Variants in WDR73 observed in about 807,000 individuals in gnomAD.
The protein encoded by WDR73 is WD repeat domain 73.
A neutral mutation model predicts 38.2 loss-of-function variants in WDR73; 30 were observed. The observed-to-expected ratio is 0.79, with a 90% confidence interval of 0.59 to 1.06. The LOEUF (loss-of-function observed/expected upper bound fraction) is 1.06. WDR73 is among the 50% of genes least tolerant of loss of function. The pLI is 0.00. For missense variants in WDR73, 487 were observed against 467.0 expected (o/e 1.04, Z -0.40); for synonymous variants, 197 against 176.0 (o/e 1.12, Z -0.94).
intron 7 of WDR73, 155 bp downstream of exon 7, chr15:84,645,316 G>A (rs1896411283): frequency 6.6e-7 from 1 of 1,515,816 alleles, no homozygotes. Context: ...GAAAAGGCCT[G>A]CCACTGAAGA....
At position 84,643,392 on chromosome 15, in the gene WDR73, C is replaced by T; in HGVS notation, c.*78G>A. ...AGCTGGTAACAGGGACTGGTAGTCA[C>T]TTGAGTCCTACATGAGCACCCTTGC... On this transcript the variant is annotated 3_prime_UTR_variant, in exon 8 of 8. Coordinates refer to ENST00000434634, the MANE Select transcript of WDR73 (RefSeq NM_032856.5). The T allele has an allele frequency of 6.7e-7, 1 of 1,502,046 alleles. No homozygotes were observed. The highest frequency in any genetic ancestry group is 8.9e-7 in the Non-Finnish European group (1 of 1,119,258). 93.0% of individuals were successfully genotyped at this position (1,502,046 alleles called of 1,614,324 possible). A position where few individuals can be genotyped will look rare whatever the true frequency, so the allele number is the denominator to read the frequency against.
chr15:84,652,390 C>G (rs1390993750), intron 3 of WDR73, among the ~76,000 whole-genome samples: 1 of 152,150 alleles, frequency 6.6e-6, no homozygotes, highest in Non-Finnish European at 1.5e-5. Context: ...ATATTCTCCT[C>G]ACTCCTTATA....
Position 84,654,251 on chromosome 15 carries a change from C to G in WDR73, c.24G>C (p.Leu8=), listed in dbSNP as rs780699604. The G allele has an allele frequency of 2.5e-6, 4 of 1,613,962 alleles. No individual in the cohort carries two copies. Among genetic ancestry groups the G allele is most frequent in the Non-Finnish European group, 3.4e-6 (4 of 1,179,830 alleles). Residue 8 remains leucine (L), a synonymous_variant, in exon 1 of 8, where the codon CTG becomes CTC. Transcript: ENST00000434634. ...CGATTTACAAGCGCAAGGATTCCAC[C>G]AGCCAGTCGTCCCCAGGATCCATGG... is the stretch of plus-strand genomic sequence containing the variant. MDPGDDW[L]VESLRLYQDF...
rs751477871 is a variant in WDR73 at position 84,643,552 on chromosome 15, C to T, written c.1055G>A (p.Cys352Tyr). The T allele has an allele frequency of 1.9e-6, 3 of 1,609,472 alleles. No homozygotes were observed. Among genetic ancestry groups the T allele is most frequent in the Non-Finnish European group, 1.7e-6 (2 of 1,177,954 alleles). The change falls in exon 8 of 8, where the codon TGC becomes TAC. Residue 352 changes from cysteine (C) to tyrosine (Y), a missense_variant. Cys to Tyr is a radical substitution (Grantham distance 194, BLOSUM62 -2). Transcript: ENST00000434634. ...TGCTGATAACAAAGTCCTTGGTCTG[C>T]AGGGATGCCAGGTGTGGGTGGTGAC... ...PLVTTHTWHP[C>Y]RPRTLLSATN...
rs1278773216 is a variant in WDR73 at position 84,643,113 on chromosome 15, A to AT, written c.*356dup. The AT allele has an allele frequency of 2.0e-5, 4 of 200,184 alleles. No individual in the cohort carries two copies. The highest frequency in any genetic ancestry group is 4.1e-5 in the Non-Finnish European group (4 of 98,566). The allele number at this position is 200,184 out of a possible 1,614,324, so 12.4% of individuals were successfully genotyped here. On this transcript the variant is annotated 3_prime_UTR_variant, in exon 8 of 8. Coordinates refer to ENST00000434634, the MANE Select transcript of WDR73 (RefSeq NM_032856.5). ...TTTTCATGTTTATTGGCCCCTCTAC[A>AT]TTTTTTTCTTTAAAAAAATTCACAA...
At chr15:84,646,375 C>A (rs759208966) in intron 5 of WDR73, 27 bp from the exon 6 acceptor site, 1 of 1,591,716 alleles carries the variant, frequency 6.3e-7, no homozygotes, top group South Asian at 1.1e-5. Context: ...AGGCCAAAAT[C>A]CAGAACTTTA....
rs1367848130 is a variant in WDR73 at position 84,646,232 on chromosome 15, T to G, written c.469A>C (p.Ser157Arg). ...PGVLHGARLR[S>R]LQVVDLESRK... ...GACTCCAGATCAACGACCTGCAGAC[T>G]TCGGAGCCTCGCCCCATGGAGGACT... is the stretch of plus-strand genomic sequence containing the variant. The change falls in exon 6 of 8, where the codon AGT becomes CGT. Residue 157 changes from serine to arginine, a missense_variant. Transcript: ENST00000434634. 6.2e-7 allele frequency: 1 copy of G among 1,613,750 alleles called. No individual in the cohort carries two copies. The highest frequency in any genetic ancestry group is 8.5e-7 in the Non-Finnish European group (1 of 1,179,888).
intron 1 of WDR73, 26 bp from the exon 2 acceptor site, chr15:84,653,725 A>G (rs1431607244): frequency 1.3e-6 from 2 of 1,552,892 alleles, no homozygotes; most frequent in Admixed American, 1.9e-5. Context: ...ACAGAATCAC[A>G]CGATGCACAG....
intron 3 of WDR73, among the ~76,000 whole-genome samples, chr15:84,649,568 T>A (rs1191224413): frequency 6.6e-6 from 1 of 151,944 alleles, no homozygotes. Flanking sequence ...CTCCCCAGTT[T>A]AAGCTATTCT....
In WDR73 at chr15:84,646,314, A is replaced by G. The variant is rs1896461710; in HGVS notation, c.387T>C (p.His129=). 2.5e-6 allele frequency: 4 copies of G among 1,613,504 alleles called. No homozygotes were observed. Among genetic ancestry groups the G allele is most frequent in the Non-Finnish European group, 3.4e-6 (4 of 1,179,606 alleles). ...VIKAVSTIAV[H]EKEESLWPRV... is the part of the protein sequence containing the mutation. ...TAGGCCAGAGACTCTCCTCTTTCTC[A>G]TGCACAGCAATGGTGCTGACAGCTT... Residue 129 remains histidine (H), a synonymous_variant, in exon 6 of 8, where the codon CAT becomes CAC. Transcript: ENST00000434634.
At chr15:84,648,910 G>T (rs1206564838) in intron 3 of WDR73, among the ~76,000 whole-genome samples, 1 of 152,196 alleles carries the variant, frequency 6.6e-6, no homozygotes, top group African/African-American at 2.4e-5. Context: ...AGCCAGAGAA[G>T]CTTAACAGCT....
intron 1 of WDR73, 113 bp from the exon 2 acceptor site, chr15:84,653,812 G>A (rs1896702335): frequency 2.4e-6 from 2 of 827,278 alleles, no homozygotes; most frequent in Non-Finnish European, 4.1e-6. Flanking sequence ...GGCAGACGTG[G>A]GACTGAGTTT....
Position 84,639,429 on chromosome 15 carries a change from C to T in WDR73, c.*4041G>A, listed in dbSNP as rs946873684. ...AGAATTAAAAAAAAAAAATTACTAT[C>T]TCCTCTCCCTGGCATATAAAATGGT... On this transcript the variant is annotated 3_prime_UTR_variant, in exon 8 of 8. Transcript: ENST00000434634. 5.3e-5 allele frequency: 8 copies of T among 151,974 alleles called. No homozygotes were observed. Among genetic ancestry groups the T allele is most frequent in the Non-Finnish European group, 1.2e-4 (8 of 68,000 alleles). 9.4% of individuals were successfully genotyped at this position (151,974 alleles called of 1,614,324 possible). A position where few individuals can be genotyped will look rare whatever the true frequency, so the allele number is the denominator to read the frequency against.
rs1013949832 is a variant in WDR73 at position 84,643,522 on chromosome 15, T to C, written c.1085A>G (p.Asn362Ser). ...GTCCCACACATGCAGAGAGGCATCA[T>C]TTGTTGCTGATAACAAAGTCCTTGG... ...CRPRTLLSATNDASLHVWDWV... is the reference protein window; with the variant it reads ...CRPRTLLSATSDASLHVWDWV... The change falls in exon 8 of 8, where the codon AAT (asparagine) becomes AGT (serine). Residue 362 changes from asparagine (N) to serine (S), a missense_variant. Transcript: ENST00000434634. 2 of 1,592,440 alleles carry C rather than the reference T, an allele frequency of 1.3e-6. No individual in the cohort carries two copies. The highest frequency in any genetic ancestry group is 8.6e-7 in the Non-Finnish European group (1 of 1,169,052).
At chr15:84,647,851 T>A in intron 5 of WDR73, 39 bp downstream of exon 5, 5 of 1,606,908 alleles carry the variant, frequency 3.1e-6, no homozygotes, top group Non-Finnish European at 4.3e-6. Flanking sequence ...AGTCACACTT[T>A]CCTAGAACCC....
rs193171396 is a variant in WDR73, at chr15:84,650,180, A to C, written c.199-1555T>G. ...CATAACATGGTGAGGCCCTAAGATAAATTTATTTACTTATTTTTGTGAGAC... is the reference window on the plus strand; with the variant it reads ...CATAACATGGTGAGGCCCTAAGATACATTTATTTACTTATTTTTGTGAGAC... On this transcript the variant is annotated intron_variant, in intron 3 of 7. Coordinates refer to ENST00000434634, the MANE Select transcript of WDR73 (RefSeq NM_032856.5). 9.2e-5 allele frequency among the ~76,000 whole-genome samples: 14 copies of C among 152,102 alleles called. No homozygotes were observed. In the East Asian group the frequency reaches 2.5e-3, roughly 27 times the overall value.
Position 84,645,539 on chromosome 15 carries a change from G to C in WDR73, c.815C>G (p.Pro272Arg), listed in dbSNP as rs1596050159. 2 of 1,612,074 alleles carry C rather than the reference G, an allele frequency of 1.2e-6. No individual in the cohort carries two copies. The highest frequency in any genetic ancestry group is 1.7e-5 in the Admixed American group (1 of 59,682). Residue 272 changes from proline (P) to arginine (R), a missense_variant, in exon 7 of 8, where the codon CCT becomes CGT. Physicochemically the swap from Pro to Arg is moderately radical, Grantham distance 103. Transcript: ENST00000434634. ...TCGCAGCAGCTCTGGGTCAGGGCTAGGTACGGATACTGGGCACTGGACTGA... is the reference window on the plus strand; with the variant it reads ...TCGCAGCAGCTCTGGGTCAGGGCTACGTACGGATACTGGGCACTGGACTGA... ...VSSVQCPVSV[P>R]SPDPELLRVT...
chr15:84,654,115 C>G (rs1896714282), intron 1 of WDR73, 119 bp downstream of exon 1: 1 of 1,379,442 alleles, frequency 7.2e-7, no homozygotes, highest in African/African-American at 1.4e-5. Context: ...GGTGGCGAGC[C>G]CCGAGGCCAC....
In WDR73 at chr15:84,646,300, C is replaced by A; in HGVS notation, c.401G>T (p.Ser134Ile). 1 of 1,613,964 alleles carries A rather than the reference C, an allele frequency of 6.2e-7. No individual in the cohort carries two copies. The highest frequency in any genetic ancestry group is 8.5e-7 in the Non-Finnish European group (1 of 1,179,874). ...GAAGACGGCCACCCTAGGCCAGAGA[C>A]TCTCCTCTTTCTCATGCACAGCAAT... is the stretch of plus-strand genomic sequence containing the variant. ...STIAVHEKEE[S>I]LWPRVAVFST... The change falls in exon 6 of 8, where the codon AGT (serine) becomes ATT (isoleucine). Residue 134 changes from serine to isoleucine, a missense_variant. Physicochemically the swap from Ser to Ile is moderately radical, Grantham distance 142. Coordinates refer to ENST00000434634, the MANE Select transcript of WDR73 (RefSeq NM_032856.5).
Sources: gnomAD v4.1 joint callset for allele counts (sites outside exome capture counted in the v4.1 genomes callset) on GRCh38, gnomAD v4.1.1 for gene constraint, MANE v1.5 for transcripts, NCBI Gene and HGNC (gene_info 2026-07-23, HGNC 2026-07-21) for gene names.